Variants in CTDSPL observed in about 807,000 individuals in gnomAD.
The protein encoded by CTDSPL is CTD small phosphatase-like protein.
A neutral mutation model predicts 30.5 loss-of-function variants in CTDSPL; 8 were observed. The observed-to-expected ratio is 0.26, with a 90% CI of 0.15 to 0.47. CTDSPL has a LOEUF of 0.47. CTDSPL is among the 20% of genes least tolerant of loss of function. The pLI, the probability that CTDSPL is intolerant of heterozygous loss-of-function variation, is 0.99. For synonymous variants in CTDSPL, 110 were observed against 137.9 expected, an observed-to-expected ratio of 0.80 and a Z score of 1.42; for missense variants, 248 against 366.1, an observed-to-expected ratio of 0.68 and a Z score of 2.63.
intron 7 of CTDSPL, among the ~76,000 whole-genome samples, chr3:37,979,742 A>T (rs1699468757): frequency 6.6e-6 from 1 of 152,142 alleles, no homozygotes; most frequent in African/African-American, 2.4e-5. Flanking sequence ...CCTGGGTGAC[A>T]GAGTGTGACG....
At chr3:37,886,913 C>T (rs897085755) in intron 1 of CTDSPL, among the ~76,000 whole-genome samples, 1 of 152,196 alleles carries the variant, frequency 6.6e-6, no homozygotes, top group Admixed American at 6.5e-5. Context: ...ATGATCCTGA[C>T]ACAGGGAGCT....
intron 1 of CTDSPL, among the ~76,000 whole-genome samples, chr3:37,940,694 A>G (rs1173785116): frequency 6.6e-6 from 1 of 150,476 alleles, no homozygotes; most frequent in Non-Finnish European, 1.5e-5. Context: ...TAAGCCAGTC[A>G]TGTGGCTCAG....
chr3:37,933,618 A>T (rs963096380), intron 1 of CTDSPL, among the ~76,000 whole-genome samples: 2 of 152,192 alleles, frequency 1.3e-5, no homozygotes, highest in Non-Finnish European at 2.9e-5. Flanking sequence ...TTTACTAGCT[A>T]AGTCATCTTG....
intron 1 of CTDSPL, among the ~76,000 whole-genome samples, chr3:37,918,496 C>A (rs577238668): frequency 3.3e-4 from 51 of 152,282 alleles, no homozygotes; most frequent in Non-Finnish European, 6.8e-4. Context: ...ATGTGGTCTG[C>A]CTCTAGAATT....
intron 1 of CTDSPL, among the ~76,000 whole-genome samples, chr3:37,869,174 T>G (rs935532854): frequency 3.9e-5 from 6 of 152,124 alleles, no homozygotes; most frequent in African/African-American, 1.4e-4. Flanking sequence ...ACATCATAGT[T>G]TTACATATTT....
chr3:37,893,134 T>C (rs1048066724), intron 1 of CTDSPL, among the ~76,000 whole-genome samples: 5 of 152,186 alleles, frequency 3.3e-5, no homozygotes, highest in African/African-American at 1.2e-4. Context: ...AGCTGACCTT[T>C]GGAGAGTCAC....
chr3:37,914,673 C>A (rs1402218048), intron 1 of CTDSPL, among the ~76,000 whole-genome samples: 1 of 152,098 alleles, frequency 6.6e-6, no homozygotes, highest in East Asian at 1.9e-4. Flanking sequence ...TTATCATTTT[C>A]ATATACTTTT....
At chr3:37,948,806 T>TGC (rs1699072479) in intron 2 of CTDSPL, among the ~76,000 whole-genome samples, 13 of 141,454 alleles carry the variant, frequency 9.2e-5, no homozygotes, top group African/African-American at 1.5e-4. Context: ...TTTTCCAGCT[T>TGC]TCTTTTTTTT....
chr3:37,875,289 A>T (rs1338933360), intron 1 of CTDSPL, among the ~76,000 whole-genome samples: 1 of 152,232 alleles, frequency 6.6e-6, no homozygotes, highest in Non-Finnish European at 1.5e-5. Context: ...TCACCTAAGT[A>T]ATAGCTCATT....
chr3:37,944,011 C>T (rs1299834688), intron 1 of CTDSPL, among the ~76,000 whole-genome samples: 1 of 150,186 alleles, frequency 6.7e-6, no homozygotes, highest in East Asian at 1.9e-4. Flanking sequence ...GCTGAGAACA[C>T]TGCTGTTGCC....
At chr3:37,864,963 A>G (rs576749424) in intron 1 of CTDSPL, among the ~76,000 whole-genome samples, 28 of 152,336 alleles carry the variant, frequency 1.8e-4, no homozygotes, top group African/African-American at 6.3e-4. Flanking sequence ...GATGTACATT[A>G]AAGACTCTGC....
chr3:37,918,834 A>G (rs1698678912), intron 1 of CTDSPL, among the ~76,000 whole-genome samples: 1 of 152,170 alleles, frequency 6.6e-6, no homozygotes, highest in Non-Finnish European at 1.5e-5. Flanking sequence ...CCCCCTGCTG[A>G]GAACACTGTT....
At chr3:37,968,820 G>A (rs1020520561) in intron 5 of CTDSPL, among the ~76,000 whole-genome samples, 18 of 152,208 alleles carry the variant, frequency 1.2e-4, no homozygotes, top group African/African-American at 4.3e-4. Context: ...GGAAGGGGTT[G>A]GTTAAAGGTC....
intron 1 of CTDSPL, among the ~76,000 whole-genome samples, chr3:37,870,806 A>C (rs1559620767): frequency 6.6e-6 from 1 of 152,166 alleles, no homozygotes; most frequent in Non-Finnish European, 1.5e-5. Flanking sequence ...CTTTATTTTT[A>C]AAAGCAGTTT....
chr3:37,875,784 A>C (rs1431429626), intron 1 of CTDSPL, among the ~76,000 whole-genome samples: 3 of 152,180 alleles, frequency 2.0e-5, no homozygotes, highest in Non-Finnish European at 4.4e-5. Flanking sequence ...TTTTTGTTTT[A>C]GTTAGAATTA....
At chr3:37,971,559 A>C in intron 6 of CTDSPL, 60 bp downstream of exon 6, 1 of 1,452,754 alleles carries the variant, frequency 6.9e-7, no homozygotes, top group Non-Finnish European at 9.6e-7. Flanking sequence ...CTCCACCCCT[A>C]CCCCCAATCT....
intron 1 of CTDSPL, among the ~76,000 whole-genome samples, chr3:37,906,394 C>T (rs186331458): frequency 2.8e-4 from 43 of 152,300 alleles, no homozygotes; most frequent in African/African-American, 9.6e-4. Context: ...CACTGCACTT[C>T]GGTCCGTTCT....
At position 37,911,319 on chromosome 3, in the gene CTDSPL, A is replaced by G. The variant is rs182049212; in HGVS notation, c.80-35738A>G. Among the ~76,000 whole-genome samples the G allele has an allele frequency of 4.6e-5, 7 of 152,342 alleles. No homozygotes were observed. In the East Asian group the frequency reaches 1.4e-3, roughly 29 times the overall value. On this transcript the variant is annotated intron_variant, in intron 1 of 7. Transcript: ENST00000273179. ...TAGTACTCTTCAGGTTTTACAAACT[A>G]GAGAAGCTCACACCTTTAAGTAACA... is the stretch of plus-strand genomic sequence containing the variant.
intron 2 of CTDSPL, among the ~76,000 whole-genome samples, chr3:37,952,685 A>C (rs949799934): frequency 2.6e-5 from 4 of 152,272 alleles, no homozygotes; most frequent in African/African-American, 9.6e-5. Flanking sequence ...TAGTCAAACC[A>C]ATTGGGTATA....
Sources: allele counts gnomAD v4.1 joint callset (sites outside exome capture counted in the v4.1 genomes callset), GRCh38; gene constraint gnomAD v4.1.1; transcripts MANE v1.5; gene names NCBI Gene and HGNC (gene_info 2026-07-23, HGNC 2026-07-21).